Variants in QTMAN observed in about 807,000 individuals in gnomAD.
The protein encoded by QTMAN is queuosine-tRNA mannosyltransferase.
chr2:144,275,245 G>A, the QTMAN span, among the ~76,000 whole-genome samples: 5 of 151,902 alleles, frequency 3.3e-5, no homozygotes, highest in East Asian at 1.9e-4. Context: ...TTAGCCAGGC[G>A]TGGTGGCAGG....
At chr2:144,320,681 C>T in the QTMAN span, among the ~76,000 whole-genome samples, 1 of 152,196 alleles carries the variant, frequency 6.6e-6, no homozygotes, top group African/African-American at 2.4e-5. Context: ...TACTAGACAT[C>T]AGTCTAGTCT....
the QTMAN span, among the ~76,000 whole-genome samples, chr2:143,991,339 CT>C: frequency 6.6e-6 from 1 of 152,084 alleles, no homozygotes; most frequent in Admixed American, 6.5e-5. Context: ...AAGACAAGAT[CT>C]TTAAAGTAGC....
At chr2:144,192,792 T>C in the QTMAN span, among the ~76,000 whole-genome samples, 1,680 of 152,354 alleles carry the variant, frequency 0.011, 28 homozygotes, top group African/African-American at 0.037. Context: ...TACTATTCGA[T>C]TCACAATTTC....
chr2:144,156,061 T>A, the QTMAN span, among the ~76,000 whole-genome samples: 1 of 152,090 alleles, frequency 6.6e-6, no homozygotes, highest in South Asian at 2.1e-4. Flanking sequence ...TAACATCTAA[T>A]TTTTTTGGTG....
chr2:144,279,058 G>A, the QTMAN span, among the ~76,000 whole-genome samples: 1 of 152,088 alleles, frequency 6.6e-6, no homozygotes, highest in African/African-American at 2.4e-5. Flanking sequence ...AAGTTCAGTG[G>A]CACAATTTGA....
the QTMAN span, among the ~76,000 whole-genome samples, chr2:144,165,837 AC>A: frequency 2.0e-5 from 3 of 152,116 alleles, no homozygotes; most frequent in South Asian, 6.2e-4. Context: ...TGTGCACTTT[AC>A]TTCCTAAATA....
the QTMAN span, among the ~76,000 whole-genome samples, chr2:144,032,278 T>C: frequency 3.3e-5 from 5 of 152,208 alleles, no homozygotes; most frequent in Admixed American, 3.3e-4. Flanking sequence ...TGGGGAGAAT[T>C]ATATCTACAT....
chr2:144,022,338 G>A, the QTMAN span, among the ~76,000 whole-genome samples: 2 of 151,532 alleles, frequency 1.3e-5, no homozygotes, highest in Non-Finnish European at 2.9e-5. Context: ...TGCCCGGGCT[G>A]GAGTGCAGTG....
chr2:144,128,680 G>C, the QTMAN span, among the ~76,000 whole-genome samples: 1 of 152,076 alleles, frequency 6.6e-6, no homozygotes, highest in South Asian at 2.1e-4. Flanking sequence ...CTCTACTGTA[G>C]TTTCCCCAGC....
the QTMAN span, among the ~76,000 whole-genome samples, chr2:143,956,187 T>C: frequency 6.6e-6 from 1 of 152,220 alleles, no homozygotes; most frequent in African/African-American, 2.4e-5. Flanking sequence ...GTTCTTTGGA[T>C]ACATTTTAAT....
the QTMAN span, among the ~76,000 whole-genome samples, chr2:144,236,410 C>T: frequency 2.4e-4 from 36 of 152,248 alleles, no homozygotes; most frequent in Non-Finnish European, 3.2e-4. Context: ...ACCATATATA[C>T]CCAAGGGTGC....
At chr2:144,137,592 C>G in the QTMAN span, among the ~76,000 whole-genome samples, 1 of 152,056 alleles carries the variant, frequency 6.6e-6, no homozygotes, top group Non-Finnish European at 1.5e-5. Context: ...GGGCTGAACA[C>G]TGGATGAAGA....
the QTMAN span, among the ~76,000 whole-genome samples, chr2:144,128,998 C>A: frequency 6.6e-6 from 1 of 151,766 alleles, no homozygotes; most frequent in African/African-American, 2.4e-5. Context: ...GGGCATTCTA[C>A]TGTCCCACTG....
At chr2:144,079,367 T>C in the QTMAN span, among the ~76,000 whole-genome samples, 2 of 152,120 alleles carry the variant, frequency 1.3e-5, no homozygotes, top group African/African-American at 2.4e-5. Flanking sequence ...CTTTGCAAAG[T>C]TGATTAAAAT....
At chr2:144,151,880 C>A in the QTMAN span, among the ~76,000 whole-genome samples, 1 of 152,124 alleles carries the variant, frequency 6.6e-6, no homozygotes, top group Non-Finnish European at 1.5e-5. Context: ...CTTAATTGGA[C>A]CATTTCTACT....
At chr2:144,055,365 AC>A in the QTMAN span, among the ~76,000 whole-genome samples, 1 of 150,334 alleles carries the variant, frequency 6.7e-6, no homozygotes, top group Non-Finnish European at 1.5e-5. Context: ...ACACACACAC[AC>A]ACCCCTCTGA....
chr2:144,005,163 T>C, the QTMAN span, among the ~76,000 whole-genome samples: 3 of 152,022 alleles, frequency 2.0e-5, no homozygotes, highest in Non-Finnish European at 2.9e-5. Flanking sequence ...CTTGTTTTCA[T>C]TGTATACTCT....
the QTMAN span, among the ~76,000 whole-genome samples, chr2:144,246,514 C>T: frequency 3.5e-5 from 5 of 142,620 alleles, no homozygotes; most frequent in Admixed American, 7.4e-5. Context: ...CGGAGCTTGC[C>T]GTGAGCCGAG....
the QTMAN span, among the ~76,000 whole-genome samples, chr2:144,129,383 A>G: frequency 2.0e-5 from 3 of 152,122 alleles, no homozygotes; most frequent in South Asian, 4.1e-4. Context: ...CTATATTTCC[A>G]TGGACACATG....
Sources: allele counts gnomAD v4.1 joint callset (sites outside exome capture counted in the v4.1 genomes callset), GRCh38; gene constraint gnomAD v4.1.1; transcripts MANE v1.5; gene names NCBI Gene and HGNC (gene_info 2026-07-23, HGNC 2026-07-21).